The following NPAS3 variants were observed in gnomAD, a reference collection of about 807,000 sequenced individuals.
NPAS3 encodes the protein neuronal PAS domain-containing protein 3.
Under a neutral mutation model 73.1 loss-of-function variants are expected in NPAS3, and 14 were observed. The observed-to-expected ratio is 0.19, with a 90% confidence interval of 0.13 to 0.30. NPAS3 has a LOEUF of 0.30. Ranked by LOEUF, NPAS3 falls within the 10% of genes least tolerant of loss-of-function variation. The pLI is 1.00. For missense variants in NPAS3, 1,096 were observed against 1,250.0 expected (o/e 0.88, Z 1.86); for synonymous variants, 620 against 541.5 (o/e 1.14, Z -2.01).
intron 4 of NPAS3, among the ~76,000 whole-genome samples, chr14:33,433,261 T>G (rs2048853998): frequency 6.6e-6 from 1 of 152,232 alleles, no homozygotes; most frequent in Admixed American, 6.5e-5. Flanking sequence ...AATTATATTT[T>G]TAAAGCTGCT....
chr14:33,010,109 A>G (rs2039138867), intron 1 of NPAS3, among the ~76,000 whole-genome samples: 2 of 152,220 alleles, frequency 1.3e-5, no homozygotes, highest in South Asian at 2.1e-4. Flanking sequence ...TCTAGTAAAT[A>G]AAATGTTATC....
chr14:33,306,698 A>G (rs1189120391), intron 3 of NPAS3, among the ~76,000 whole-genome samples: 2 of 152,158 alleles, frequency 1.3e-5, no homozygotes, highest in Non-Finnish European at 2.9e-5. Flanking sequence ...TGAAATTTAT[A>G]TTTATGTTTA....
At chr14:33,367,198 A>G (rs1259014778) in exon 4 of NPAS3, 1 of 863,140 alleles carries the variant, frequency 1.2e-6, no homozygotes, top group East Asian at 2.4e-5. Context: ...ATAGGTGCAC[A>G]GCGAAGGAGA....
At chr14:33,774,569 G>T (rs767346434) in intron 8 of NPAS3, 39 bp downstream of exon 8, 1 of 1,523,294 alleles carries the variant, frequency 6.6e-7, no homozygotes, top group South Asian at 1.2e-5. Context: ...GTTGCACGTT[G>T]CACATTGGTG....
At chr14:33,489,094 G>T (rs1239306652) in intron 4 of NPAS3, among the ~76,000 whole-genome samples, 2 of 152,016 alleles carry the variant, frequency 1.3e-5, no homozygotes, top group African/African-American at 2.4e-5. Context: ...GAGGGTTTTG[G>T]TTTTTTTTCT....
At chr14:33,262,165 C>A (rs560854538) in intron 3 of NPAS3, among the ~76,000 whole-genome samples, 1 of 152,030 alleles carries the variant, frequency 6.6e-6, no homozygotes, top group South Asian at 2.1e-4. Context: ...GGCATGCAAC[C>A]CTGATGGTGT....
At chr14:33,154,346 G>T (rs1228865211) in intron 2 of NPAS3, among the ~76,000 whole-genome samples, 1 of 152,184 alleles carries the variant, frequency 6.6e-6, no homozygotes, top group African/African-American at 2.4e-5. Context: ...TGATCCTAAG[G>T]AATGTGTGCA....
intron 3 of NPAS3, among the ~76,000 whole-genome samples, chr14:33,366,447 C>T (rs942596856): frequency 5.3e-5 from 8 of 152,070 alleles, no homozygotes; most frequent in Admixed American, 6.6e-5. Context: ...GCAGGCAAAG[C>T]AGGTGAAGCG....
intron 3 of NPAS3, among the ~76,000 whole-genome samples, chr14:33,319,641 T>C (rs907955491): frequency 6.6e-6 from 1 of 151,012 alleles, no homozygotes; most frequent in Non-Finnish European, 1.5e-5. Flanking sequence ...CTCTATGGGG[T>C]TGGAAAAAAA....
At chr14:33,407,555 G>T (rs1417218735) in intron 4 of NPAS3, among the ~76,000 whole-genome samples, 2 of 152,104 alleles carry the variant, frequency 1.3e-5, no homozygotes, top group Middle Eastern at 3.2e-3. Flanking sequence ...TATCAGTGAT[G>T]GCATATGGTG....
At chr14:33,686,759 C>T (rs2060100023) in intron 6 of NPAS3, among the ~76,000 whole-genome samples, 1 of 152,152 alleles carries the variant, frequency 6.6e-6, no homozygotes, top group African/African-American at 2.4e-5. Context: ...TCCAGTGTGC[C>T]TCTAAATAGC....
At chr14:33,679,525 A>C (rs775455703) in intron 6 of NPAS3, among the ~76,000 whole-genome samples, 1 of 152,218 alleles carries the variant, frequency 6.6e-6, no homozygotes, top group Non-Finnish European at 1.5e-5. Flanking sequence ...ATTGCATCAT[A>C]ATCTCTTGAA....
intron 3 of NPAS3, among the ~76,000 whole-genome samples, chr14:33,316,807 CCT>C (rs2043224509): frequency 6.6e-6 from 1 of 152,086 alleles, no homozygotes; most frequent in South Asian, 2.1e-4. Flanking sequence ...ACAGGAATCC[CCT>C]CTTTAGTACC....
chr14:33,304,021 C>T (rs976498109), intron 3 of NPAS3, among the ~76,000 whole-genome samples: 1 of 152,208 alleles, frequency 6.6e-6, no homozygotes, highest in Non-Finnish European at 1.5e-5. Flanking sequence ...CATTCTCCTG[C>T]CTCAGCCTCC....
chr14:33,118,114 C>T (rs1454261087), intron 2 of NPAS3, among the ~76,000 whole-genome samples: 1 of 151,948 alleles, frequency 6.6e-6, no homozygotes, highest in Non-Finnish European at 1.5e-5. Flanking sequence ...GAATGACTTT[C>T]ACATAATTGT....
At chr14:33,198,621 G>C (rs1038132221) in intron 2 of NPAS3, among the ~76,000 whole-genome samples, 1 of 152,190 alleles carries the variant, frequency 6.6e-6, no homozygotes, top group Non-Finnish European at 1.5e-5. Flanking sequence ...ATACTCCTTT[G>C]GCTAGACATA....
intron 2 of NPAS3, among the ~76,000 whole-genome samples, chr14:33,117,397 A>C (rs911711285): frequency 6.6e-6 from 1 of 152,152 alleles, no homozygotes; most frequent in African/African-American, 2.4e-5. Context: ...TGAAGGTGTC[A>C]CTTGCTATTC....
chr14:33,590,816 T>A (rs999624926), intron 5 of NPAS3, among the ~76,000 whole-genome samples: 5 of 152,156 alleles, frequency 3.3e-5, no homozygotes, highest in Admixed American at 6.5e-5. Flanking sequence ...ACAAATATCA[T>A]CCTCCATCTA....
At chr14:33,742,412 G>A (rs191588882) in intron 7 of NPAS3, among the ~76,000 whole-genome samples, 347 of 152,278 alleles carry the variant, frequency 2.3e-3, no homozygotes, top group Middle Eastern at 6.8e-3. Flanking sequence ...GAATTTTTTG[G>A]TTTCCCAGTG....
Sources: allele counts gnomAD v4.1 joint callset (sites outside exome capture counted in the v4.1 genomes callset), GRCh38; gene constraint gnomAD v4.1.1; transcripts MANE v1.5; gene names NCBI Gene and HGNC (gene_info 2026-07-23, HGNC 2026-07-21).